AFF1: variants seen among roughly 807,000 people sequenced by gnomAD.
The protein encoded by AFF1 is ALF transcription elongation factor 1.
AFF1 carries 48 observed loss-of-function variants against 121.7 expected under a neutral mutation model. The ratio of observed to expected loss-of-function variants is 0.39; its 90% CI spans 0.31 to 0.50. AFF1 has a LOEUF of 0.50. AFF1 is among the 20% of genes least tolerant of loss of function. AFF1 has a pLI of 0.76. For missense variants in AFF1, 1,523 were observed against 1,511.7 expected (o/e 1.01, Z -0.12); for synonymous variants, 613 against 563.0 (o/e 1.09, Z -1.26).
intron 2 of AFF1, among the ~76,000 whole-genome samples, chr4:87,043,268 C>T (rs1343531775): frequency 6.6e-6 from 1 of 152,158 alleles, no homozygotes; most frequent in East Asian, 1.9e-4. Flanking sequence ...GCCAAGCAGA[C>T]AAGCACATGC....
At chr4:87,015,806 TTCGTTTTCTCTCTGAGGTCAC>T (rs1727233622) in intron 2 of AFF1, among the ~76,000 whole-genome samples, 1 of 152,278 alleles carries the variant, frequency 6.6e-6, no homozygotes, top group African/African-American at 2.4e-5. Context: ...AGCATAAAAC[TTCGTTTTCTCTCTGAGGTCAC>T]TCGTATTCTG....
intron 2 of AFF1, among the ~76,000 whole-genome samples, chr4:87,015,227 C>T (rs72667751): frequency 0.22 from 32,740 of 152,006 alleles, 3,717 homozygotes; most frequent in East Asian, 0.32. Context: ...TACTCATTTA[C>T]AGTCTGTGTC....
chr4:86,965,222 T>G (rs1209978347), intron 2 of AFF1, among the ~76,000 whole-genome samples: 1 of 152,278 alleles, frequency 6.6e-6, no homozygotes, highest in Non-Finnish European at 1.5e-5. Flanking sequence ...TCTTCAGAAT[T>G]ATGTAAACAG....
At chr4:87,034,393 G>A (rs1467728506) in intron 2 of AFF1, among the ~76,000 whole-genome samples, 2 of 152,282 alleles carry the variant, frequency 1.3e-5, no homozygotes, top group East Asian at 1.9e-4. Flanking sequence ...TGGAAGGACC[G>A]CTTAATTTGC....
intron 2 of AFF1, among the ~76,000 whole-genome samples, chr4:86,987,946 C>A (rs1185452531): frequency 5.2e-5 from 7 of 134,894 alleles, no homozygotes; most frequent in Admixed American, 1.5e-4. Flanking sequence ...GAGTGAGACT[C>A]AAAAAAAAAA....
At chr4:87,006,642 C>T (rs971274121) in intron 2 of AFF1, among the ~76,000 whole-genome samples, 111 of 152,362 alleles carry the variant, frequency 7.3e-4, no homozygotes, top group African/African-American at 2.6e-3. Context: ...CGGTCTTGTT[C>T]CTGCTCACTG....
At chr4:87,019,356 T>C (rs971963988) in intron 2 of AFF1, among the ~76,000 whole-genome samples, 38 of 152,352 alleles carry the variant, frequency 2.5e-4, no homozygotes, top group African/African-American at 8.9e-4. Flanking sequence ...CCTTCTCTTA[T>C]CTTCCTTTCA....
chr4:86,995,446 CGATTGCAG>C (rs1725071990), intron 2 of AFF1, among the ~76,000 whole-genome samples: 1 of 150,802 alleles, frequency 6.6e-6, no homozygotes, highest in African/African-American at 2.4e-5. Flanking sequence ...CGAGTGCCTG[CGATTGCAG>C]GCGCGCGCCG....
intron 8 of AFF1, 65 bp from the exon 9 acceptor site, chr4:87,105,563 C>T (rs1252177914): frequency 1.3e-6 from 2 of 1,564,666 alleles, no homozygotes; most frequent in Non-Finnish European, 1.8e-6. Flanking sequence ...TTTCTATTTA[C>T]ATGCTAGAAA....
At chr4:87,089,049 C>T (rs541068697) in intron 5 of AFF1, among the ~76,000 whole-genome samples, 1 of 152,186 alleles carries the variant, frequency 6.6e-6, no homozygotes, top group Admixed American at 6.5e-5. Flanking sequence ...GGCCGCATGT[C>T]GAGTATTAAG....
At chr4:87,098,677 A>G (rs539180568) in intron 8 of AFF1, among the ~76,000 whole-genome samples, 105 of 152,218 alleles carry the variant, frequency 6.9e-4, no homozygotes, top group Non-Finnish European at 1.1e-3. Context: ...GGTGCCCTCC[A>G]TTATTTTTCT....
intron 2 of AFF1, chr4:86,950,033 G>C (rs567620398): frequency 6.2e-7 from 1 of 1,614,068 alleles, no homozygotes; most frequent in Admixed American, 1.7e-5. Flanking sequence ...TCCGTAGGTA[G>C]GGGGAGTGTA....
rs539504393 is a variant in AFF1, at chr4:87,004,290, T to A, written c.39-41876T>A. Among the ~76,000 whole-genome samples the A allele has an allele frequency of 3.9e-5, 6 of 152,250 alleles. No homozygotes were observed. In the South Asian group the frequency reaches 1.2e-3, roughly 32 times the overall value. ...ACATGGAAGTATTTAGCAAATGATA[T>A]AGAATAAGTTTGCACCTCAATTACT... On this transcript the variant is annotated intron_variant, in intron 2 of 20. Coordinates refer to ENST00000395146, the MANE Select transcript of AFF1 (RefSeq NM_001166693.3).
At chr4:87,054,925 A>G (rs1719949580) in intron 4 of AFF1, among the ~76,000 whole-genome samples, 3 of 152,156 alleles carry the variant, frequency 2.0e-5, no homozygotes, top group Admixed American at 2.0e-4. Flanking sequence ...TTTAGCCAGT[A>G]TTTACAAACT....
intron 2 of AFF1, among the ~76,000 whole-genome samples, chr4:87,007,630 G>A (rs548237917): frequency 6.6e-6 from 1 of 152,216 alleles, no homozygotes; most frequent in Non-Finnish European, 1.5e-5. Flanking sequence ...ACAGCGGAGA[G>A]AGGGATGGAG....
intron 2 of AFF1, among the ~76,000 whole-genome samples, chr4:86,957,534 G>T (rs1220247735): frequency 2.0e-5 from 3 of 151,958 alleles, no homozygotes; most frequent in Admixed American, 2.0e-4. Flanking sequence ...TTCATTTTTG[G>T]TTGGAAATTT....
chr4:87,029,755 G>C (rs1224181051), intron 2 of AFF1, among the ~76,000 whole-genome samples: 1 of 152,128 alleles, frequency 6.6e-6, no homozygotes, highest in Non-Finnish European at 1.5e-5. Flanking sequence ...GATGCAGCCA[G>C]AACAGTGACT....
intron 4 of AFF1, among the ~76,000 whole-genome samples, chr4:87,056,057 C>T (rs991462296): frequency 2.0e-5 from 3 of 152,032 alleles, no homozygotes; most frequent in African/African-American, 7.2e-5. Context: ...ATTTCATTCC[C>T]TATTTAAATT....
At chr4:87,031,000 A>G (rs1231121158) in intron 2 of AFF1, among the ~76,000 whole-genome samples, 1 of 152,166 alleles carries the variant, frequency 6.6e-6, no homozygotes, top group Non-Finnish European at 1.5e-5. Context: ...ACAGTTTTCC[A>G]CGTGCACAGT....
Sources: allele counts gnomAD v4.1 joint callset (sites outside exome capture counted in the v4.1 genomes callset), GRCh38; gene constraint gnomAD v4.1.1; transcripts MANE v1.5; gene names NCBI Gene and HGNC (gene_info 2026-07-23, HGNC 2026-07-21).